ENTREP2: variants seen among roughly 807,000 people sequenced by gnomAD.
ENTREP2 encodes protein ENTREP2.
the ENTREP2 span, chr15:29,233,817 C>CT: frequency 1.3e-6 from 2 of 1,575,138 alleles, no homozygotes; most frequent in Non-Finnish European, 1.7e-6. Flanking sequence ...TGTTCACTGT[C>CT]TGGCGAAGAT....
chr15:29,561,968 T>C, the ENTREP2 span, among the ~76,000 whole-genome samples: 154 of 152,236 alleles, frequency 1.0e-3, no homozygotes, highest in African/African-American at 3.5e-3. Flanking sequence ...ATATCGCCAA[T>C]GGTGAGAAGG....
At chr15:29,505,778 G>A in the ENTREP2 span, among the ~76,000 whole-genome samples, 21 of 152,246 alleles carry the variant, frequency 1.4e-4, no homozygotes, top group South Asian at 3.7e-3. The surrounding 1 kb of genome is among the most constrained non-coding windows in gnomAD (Gnocchi z 4.3). Flanking sequence ...AAAGACCAAA[G>A]GTAGATAAAT....
chr15:29,202,706 A>G, the ENTREP2 span, among the ~76,000 whole-genome samples: 2 of 150,922 alleles, frequency 1.3e-5, no homozygotes, highest in African/African-American at 4.9e-5. Flanking sequence ...TCACTGTTCT[A>G]CTCCTACTTA....
chr15:29,287,533 A>C, the ENTREP2 span, among the ~76,000 whole-genome samples: 1 of 152,216 alleles, frequency 6.6e-6, no homozygotes, highest in South Asian at 2.1e-4. Flanking sequence ...AATACCACAC[A>C]CACATTTATT....
chr15:29,498,066 A>G, the ENTREP2 span, among the ~76,000 whole-genome samples: 2 of 152,266 alleles, frequency 1.3e-5, no homozygotes, highest in East Asian at 1.9e-4. Context: ...GGTTTGCCCC[A>G]TGCTTTTCTC....
At chr15:29,513,667 C>A in the ENTREP2 span, among the ~76,000 whole-genome samples, 1 of 152,194 alleles carries the variant, frequency 6.6e-6, no homozygotes, top group African/African-American at 2.4e-5. Flanking sequence ...ACTTTGAAAA[C>A]AAAAGGCAGC....
chr15:29,156,359 T>A, the ENTREP2 span, among the ~76,000 whole-genome samples: 2 of 152,020 alleles, frequency 1.3e-5, no homozygotes, highest in African/African-American at 4.8e-5. Flanking sequence ...TAATTTTTTT[T>A]GTATTTTTAG....
At chr15:29,464,407 TA>T in the ENTREP2 span, among the ~76,000 whole-genome samples, 4 of 152,132 alleles carry the variant, frequency 2.6e-5, no homozygotes, top group Non-Finnish European at 5.9e-5. Flanking sequence ...TGTTATATAC[TA>T]GACAGATTTT....
At chr15:29,266,633 T>C in the ENTREP2 span, 2 of 152,206 alleles carry the variant, frequency 1.3e-5, no homozygotes, top group African/African-American at 2.4e-5. Context: ...GTACAGCAAG[T>C]TGCATAAGGA....
the ENTREP2 span, chr15:29,268,120 T>A: frequency 6.6e-6 from 1 of 152,188 alleles, no homozygotes; most frequent in Admixed American, 6.5e-5. Context: ...AATTCTCTCA[T>A]GACCCACGAT....
chr15:29,598,022 C>T, the ENTREP2 span, among the ~76,000 whole-genome samples: 1 of 152,024 alleles, frequency 6.6e-6, no homozygotes, highest in African/African-American at 2.4e-5. Flanking sequence ...ACTAAGGAGG[C>T]TGAGGATGGG....
chr15:29,446,144 C>A, the ENTREP2 span, among the ~76,000 whole-genome samples: 2 of 152,210 alleles, frequency 1.3e-5, no homozygotes, highest in African/African-American at 4.8e-5. Context: ...GGAAGCAGGC[C>A]TTCCTCAGAC....
the ENTREP2 span, among the ~76,000 whole-genome samples, chr15:29,674,128 TGGG>T: frequency 0.018 from 810 of 46,132 alleles, 49 homozygotes; most frequent in African/African-American, 0.046. Context: ...CTGCAGAGGA[TGGG>T]GGGGGGGGGG....
chr15:29,206,974 G>A, the ENTREP2 span, among the ~76,000 whole-genome samples: 2 of 152,054 alleles, frequency 1.3e-5, no homozygotes, highest in African/African-American at 2.4e-5. Flanking sequence ...CTGTCTCCCC[G>A]GCATAAACTC....
chr15:29,655,733 A>C, the ENTREP2 span, among the ~76,000 whole-genome samples: 1 of 152,146 alleles, frequency 6.6e-6, no homozygotes, highest in Non-Finnish European at 1.5e-5. Context: ...AAAACAAAAA[A>C]ACAAAAAACA....
At chr15:29,593,224 T>C in the ENTREP2 span, among the ~76,000 whole-genome samples, 6 of 152,318 alleles carry the variant, frequency 3.9e-5, no homozygotes, top group East Asian at 7.7e-4. Context: ...AGTTACAGCC[T>C]GCCGTTTAGC....
the ENTREP2 span, among the ~76,000 whole-genome samples, chr15:29,490,265 G>A: frequency 6.6e-6 from 1 of 152,154 alleles, no homozygotes; most frequent in Non-Finnish European, 1.5e-5. Context: ...TGGTCTCTCT[G>A]GCCTCAGAAG....
chr15:29,568,075 C>A, the ENTREP2 span, among the ~76,000 whole-genome samples: 1 of 152,238 alleles, frequency 6.6e-6, no homozygotes, highest in Admixed American at 6.5e-5. Context: ...ACCATGTTAA[C>A]ATGCAAACCT....
At chr15:29,406,578 T>C in the ENTREP2 span, among the ~76,000 whole-genome samples, 2 of 152,016 alleles carry the variant, frequency 1.3e-5, no homozygotes, top group Non-Finnish European at 2.9e-5. Context: ...TTAAAAAATA[T>C]ATTAAATATA....
Sources: gnomAD v4.1 joint callset for allele counts (sites outside exome capture counted in the v4.1 genomes callset) on GRCh38, gnomAD v4.1.1 for gene constraint, Gnocchi (gnomAD v3.1) non-coding constraint, MANE v1.5 for transcripts, NCBI Gene and HGNC (gene_info 2026-07-23, HGNC 2026-07-21) for gene names.